Variants in SNCAIP observed in about 807,000 individuals in gnomAD.
The protein encoded by SNCAIP is synuclein alpha interacting protein.
SNCAIP carries 43 observed loss-of-function variants against 86.7 expected under a neutral mutation model. The ratio of observed to expected loss-of-function variants is 0.50; its 90% CI spans 0.39 to 0.64. The LOEUF is 0.64. SNCAIP is among the 30% of genes least tolerant of loss of function. The probability of loss-of-function intolerance (pLI) is 0.00; values close to 1 mark genes in which losing one functional copy is unlikely to be tolerated. For missense variants in SNCAIP, 981 were observed against 1,103.1 expected, an observed-to-expected ratio of 0.89 and a Z score of 1.57; for synonymous variants, 417 against 427.2, an observed-to-expected ratio of 0.98 and a Z score of 0.29.
chr5:122,360,979 C>T (rs1021566341), intron 1 of SNCAIP, among the ~76,000 whole-genome samples: 24 of 151,594 alleles, frequency 1.6e-4, no homozygotes, highest in Non-Finnish European at 3.4e-4. Flanking sequence ...AAAAAAAAAT[C>T]ACCTAATTGA....
intron 1 of SNCAIP, among the ~76,000 whole-genome samples, chr5:122,381,058 C>T (rs1299777136): frequency 1.9e-4 from 28 of 150,338 alleles, no homozygotes; most frequent in Admixed American, 5.9e-4. Context: ...CTATTAGGTC[C>T]GCTTGGTGCA....
chr5:122,383,144 C>T (rs1421684018), intron 1 of SNCAIP, among the ~76,000 whole-genome samples: 1 of 152,214 alleles, frequency 6.6e-6, no homozygotes, highest in Non-Finnish European at 1.5e-5. Context: ...CCCAGCCTCG[C>T]TGCAGCCTTG....
intron 1 of SNCAIP, among the ~76,000 whole-genome samples, chr5:122,379,577 T>C (rs1195920071): frequency 2.0e-5 from 3 of 149,650 alleles, no homozygotes; most frequent in Non-Finnish European, 3.0e-5. Flanking sequence ...CAACACTACG[T>C]TGAATAGGAG....
intron 10 of SNCAIP, among the ~76,000 whole-genome samples, chr5:122,456,799 A>G (rs1216848249): frequency 6.6e-6 from 1 of 152,208 alleles, no homozygotes; most frequent in African/African-American, 2.4e-5. Flanking sequence ...AACCTACTCA[A>G]TCATGTGGGT....
chr5:122,393,130 C>A (rs1769790465), intron 2 of SNCAIP, among the ~76,000 whole-genome samples: 1 of 152,142 alleles, frequency 6.6e-6, no homozygotes, highest in Admixed American at 6.6e-5. Context: ...CAAAGATATC[C>A]ATCTGTAATT....
intron 1 of SNCAIP, among the ~76,000 whole-genome samples, chr5:122,374,941 T>G (rs901203651): frequency 1.3e-5 from 2 of 152,116 alleles, no homozygotes; most frequent in Non-Finnish European, 2.9e-5. Context: ...GTGTTCAGTT[T>G]TTGCACTTTT....
intron 3 of SNCAIP, among the ~76,000 whole-genome samples, chr5:122,405,267 T>G (rs1581037766): frequency 6.6e-6 from 1 of 152,230 alleles, no homozygotes; most frequent in Non-Finnish European, 1.5e-5. Context: ...CGTGTACTAA[T>G]GTTGCCCAGC....
chr5:122,335,474 G>GT (rs1756252161), intron 1 of SNCAIP, among the ~76,000 whole-genome samples: 1 of 152,184 alleles, frequency 6.6e-6, no homozygotes, highest in Non-Finnish European at 1.5e-5. Flanking sequence ...AGGTGTTCCA[G>GT]TTATGACAGT....
chr5:122,450,733 C>A lies in SNCAIP; in HGVS notation c.1886C>A (p.Ser629Ter). The A allele has an allele frequency of 6.2e-7, 1 of 1,614,118 alleles. No homozygotes were observed. Among genetic ancestry groups the A allele is most frequent in the Non-Finnish European group, 8.5e-7 (1 of 1,179,976 alleles). ...CGCCAGTTATTGGGAAAGGAAATCTCAGAAAATGTCTGCACCCAGGAAAAA... is the reference window on the plus strand; with the variant it reads ...CGCCAGTTATTGGGAAAGGAAATCTAAGAAAATGTCTGCACCCAGGAAAAA... ...ILRQLLGKEI[S>*]ENVCTQEKLS... Residue 629 changes from serine (S) to a stop codon, truncating the protein, a stop_gained, in exon 10 of 11, where the codon TCA becomes TAA. Coordinates refer to ENST00000261368, the MANE Select transcript of SNCAIP (RefSeq NM_005460.4). LOFTEE classifies it high-confidence loss of function.
At chr5:122,341,053 C>G (rs1757471829) in intron 1 of SNCAIP, among the ~76,000 whole-genome samples, 1 of 152,210 alleles carries the variant, frequency 6.6e-6, no homozygotes, top group Non-Finnish European at 1.5e-5. Context: ...CCTTCCCCTT[C>G]TATTCAACCC....
chr5:122,378,005 T>C (rs1165982263), intron 1 of SNCAIP, among the ~76,000 whole-genome samples: 23 of 151,092 alleles, frequency 1.5e-4, no homozygotes, highest in Non-Finnish European at 1.6e-4. Flanking sequence ...AACATACGTG[T>C]GCATGTGTCT....
chr5:122,368,498 A>G (rs1252764842), intron 1 of SNCAIP, among the ~76,000 whole-genome samples: 1 of 152,040 alleles, frequency 6.6e-6, no homozygotes, highest in Non-Finnish European at 1.5e-5. Flanking sequence ...TGCCACACAA[A>G]CCTGGTGGGA....
intron 8 of SNCAIP, among the ~76,000 whole-genome samples, chr5:122,448,661 TTATATATATTATATATGTTA>T (rs1561796691): frequency 9.0e-6 from 1 of 110,940 alleles, no homozygotes; most frequent in African/African-American, 3.2e-5. Flanking sequence ...TTTATATATA[TTATATATATTATATATGTTA>T]TATATATATT....
Position 122,463,548 on chromosome 5 carries a change from G to A in SNCAIP, c.*52G>A. The A allele has an allele frequency of 6.2e-7, 1 of 1,603,668 alleles. No homozygotes were observed. Among genetic ancestry groups the A allele is most frequent in the Admixed American group, 1.7e-5 (1 of 59,652 alleles). On this transcript the variant is annotated 3_prime_UTR_variant, in exon 11 of 11. Transcript: ENST00000261368. ...CCTACAGCATAAAGCACATTGCTGA[G>A]CCAGAGTCAAAAGAACTCTTCTTGT...
At chr5:122,400,922 A>T in intron 2 of SNCAIP, 1 of 1,425,038 alleles carries the variant, frequency 7.0e-7, no homozygotes, top group Non-Finnish European at 9.4e-7. Flanking sequence ...AATAAATTAT[A>T]GAGATAGAAA....
chr5:122,354,781 A>C (rs1161720334), intron 1 of SNCAIP, among the ~76,000 whole-genome samples: 1 of 152,164 alleles, frequency 6.6e-6, no homozygotes, highest in East Asian at 1.9e-4. Context: ...ACTTTTATTC[A>C]TTTTTATACT....
chr5:122,376,034 C>G (rs1164045396), intron 1 of SNCAIP, among the ~76,000 whole-genome samples: 2 of 152,106 alleles, frequency 1.3e-5, no homozygotes, highest in African/African-American at 4.8e-5. Flanking sequence ...GAACTTATGA[C>G]AAATGCAAAT....
At chr5:122,401,449 T>C (rs952555613) in intron 2 of SNCAIP, among the ~76,000 whole-genome samples, 8 of 152,204 alleles carry the variant, frequency 5.3e-5, no homozygotes, top group African/African-American at 1.7e-4. Flanking sequence ...TTTTATCTTG[T>C]GTCTTTATAA....
intron 6 of SNCAIP, among the ~76,000 whole-genome samples, chr5:122,433,884 A>T (rs977960148): frequency 2.0e-5 from 3 of 152,196 alleles, no homozygotes; most frequent in African/African-American, 7.2e-5. Flanking sequence ...TAGGCTAGTG[A>T]TATACAGTAC....
Sources: allele counts gnomAD v4.1 joint callset (sites outside exome capture counted in the v4.1 genomes callset), GRCh38; gene constraint gnomAD v4.1.1; transcripts MANE v1.5; gene names NCBI Gene and HGNC (gene_info 2026-07-23, HGNC 2026-07-21).